PDZRN4: variants seen among roughly 807,000 people sequenced by gnomAD.
The protein encoded by PDZRN4 is PDZ domain containing ring finger 4, also known as PDZ domain-containing RING finger protein 4.
In PDZRN4, 70 loss-of-function variants were observed where a neutral mutation model predicts 99.0. The ratio of observed to expected loss-of-function variants is 0.71; its 90% CI spans 0.58 to 0.86. PDZRN4 has a LOEUF of 0.86. PDZRN4 is among the 40% of genes least tolerant of loss of function. The pLI, the probability that PDZRN4 is intolerant of heterozygous loss-of-function variation, is 0.00. For synonymous variants in PDZRN4, 551 were observed against 501.6 expected, an observed-to-expected ratio of 1.10 and a Z score of -1.32; for missense variants, 1,474 against 1,331.2, an observed-to-expected ratio of 1.11 and a Z score of -1.67.
intron 3 of PDZRN4, among the ~76,000 whole-genome samples, chr12:41,204,175 C>T (rs1950833838): frequency 6.6e-6 from 1 of 151,928 alleles, no homozygotes; most frequent in South Asian, 2.1e-4. Context: ...GTTATGTATC[C>T]TTTCTTTTAT....
At chr12:41,458,593 T>C (rs1297349010) in intron 3 of PDZRN4, among the ~76,000 whole-genome samples, 1 of 152,216 alleles carries the variant, frequency 6.6e-6, no homozygotes. Flanking sequence ...CACTGGTTTT[T>C]AGTATAGCCA....
At chr12:41,388,379 A>G (rs2121114076) in intron 3 of PDZRN4, among the ~76,000 whole-genome samples, 1 of 127,988 alleles carries the variant, frequency 7.8e-6, no homozygotes. Flanking sequence ...TGAGCTTAAA[A>G]TAAAAGATTA....
At chr12:41,498,107 A>T (rs4768355) in intron 3 of PDZRN4, among the ~76,000 whole-genome samples, 22,972 of 151,966 alleles carry the variant, frequency 0.15, 2,144 homozygotes, top group Non-Finnish European at 0.21. Context: ...ATTAATTAAC[A>T]GTTTACATTT....
At chr12:41,353,434 A>G (rs1951905307) in intron 3 of PDZRN4, among the ~76,000 whole-genome samples, 2 of 152,118 alleles carry the variant, frequency 1.3e-5, no homozygotes, top group South Asian at 2.1e-4. Flanking sequence ...GTCCAGATGC[A>G]TGTTGATCCA....
intron 3 of PDZRN4, among the ~76,000 whole-genome samples, chr12:41,400,529 T>C (rs1020773187): frequency 6.6e-6 from 1 of 152,170 alleles, no homozygotes; most frequent in African/African-American, 2.4e-5. Context: ...TTTTTTCTTC[T>C]CATATGAAAA....
chr12:41,356,498 A>G (rs1393064257), intron 3 of PDZRN4, among the ~76,000 whole-genome samples: 1 of 152,048 alleles, frequency 6.6e-6, no homozygotes, highest in Non-Finnish European at 1.5e-5. Context: ...ATTGACAAGA[A>G]GAATTCTATA....
chr12:41,246,217 A>G (rs1163803005), intron 3 of PDZRN4, among the ~76,000 whole-genome samples: 1 of 152,160 alleles, frequency 6.6e-6, no homozygotes, highest in Non-Finnish European at 1.5e-5. Flanking sequence ...ATTTTTTAAA[A>G]CTTTTGTTTT....
In PDZRN4 at chr12:41,542,514, C is replaced by T. The variant is rs533840987; in HGVS notation, c.1204-10142C>T. On this transcript the variant is annotated intron_variant, in intron 5 of 9. Transcript: ENST00000402685. ...CTCCACACATTTCATCTGGATAATACGCTTCATTCAGCATCTCTCTCCCAT... is the reference window on the plus strand; with the variant it reads ...CTCCACACATTTCATCTGGATAATATGCTTCATTCAGCATCTCTCTCCCAT... 2.0e-3 allele frequency among the ~76,000 whole-genome samples: 307 copies of T among 152,344 alleles called. 2 individuals carry two copies. The highest frequency in any genetic ancestry group is 0.01 in the Middle Eastern group (3 of 294).
intron 3 of PDZRN4, among the ~76,000 whole-genome samples, chr12:41,210,640 G>A (rs10879867): frequency 0.51 from 76,836 of 151,696 alleles, 20,477 homozygotes; most frequent in South Asian, 0.66. Context: ...ATGAAACCAT[G>A]GTGAAAAGAT....
At chr12:41,556,810 G>A (rs985839152) in intron 7 of PDZRN4, among the ~76,000 whole-genome samples, 1 of 152,150 alleles carries the variant, frequency 6.6e-6, no homozygotes, top group Non-Finnish European at 1.5e-5. Flanking sequence ...TCCTAAACCT[G>A]CCTTCACCTG....
At chr12:41,393,909 G>T (rs1349233964) in intron 3 of PDZRN4, among the ~76,000 whole-genome samples, 2 of 152,208 alleles carry the variant, frequency 1.3e-5, no homozygotes, top group Admixed American at 1.3e-4. Context: ...GGTACAGGTA[G>T]CGTCTCTGCA....
chr12:41,263,803 GTAT>G (rs988368457), intron 3 of PDZRN4, among the ~76,000 whole-genome samples: 18 of 152,100 alleles, frequency 1.2e-4, no homozygotes, highest in Non-Finnish European at 2.4e-4. Flanking sequence ...CAAGTTACTA[GTAT>G]AAACTATACA....
At chr12:41,401,044 T>G (rs1035812775) in intron 3 of PDZRN4, among the ~76,000 whole-genome samples, 1 of 152,156 alleles carries the variant, frequency 6.6e-6, no homozygotes, top group Non-Finnish European at 1.5e-5. Context: ...TACTTAAATG[T>G]TTACCTTTCA....
chr12:41,528,698 G>C (rs1938612033), intron 5 of PDZRN4, among the ~76,000 whole-genome samples: 1 of 152,158 alleles, frequency 6.6e-6, no homozygotes, highest in South Asian at 2.1e-4. Flanking sequence ...AGATTAAACT[G>C]ATTTTTCTTA....
chr12:41,309,555 A>G (rs1181689300), intron 3 of PDZRN4, among the ~76,000 whole-genome samples: 2 of 152,182 alleles, frequency 1.3e-5, no homozygotes, highest in African/African-American at 4.8e-5. Flanking sequence ...TTTTCAACAC[A>G]TGCTTTTTTG....
chr12:41,379,276 G>A (rs1213101839), intron 3 of PDZRN4, among the ~76,000 whole-genome samples: 1 of 144,684 alleles, frequency 6.9e-6, no homozygotes, highest in African/African-American at 2.5e-5. Flanking sequence ...GGTTGGTCTA[G>A]GTAAAGTTTC....
chr12:41,346,841 T>C (rs76915086), intron 3 of PDZRN4, among the ~76,000 whole-genome samples: 7,014 of 152,262 alleles, frequency 0.046, 502 homozygotes, highest in African/African-American at 0.16. Flanking sequence ...CTCACTAATA[T>C]ACATTTTGTC....
chr12:41,513,249 A>G (rs990796316), intron 5 of PDZRN4, among the ~76,000 whole-genome samples: 8 of 151,984 alleles, frequency 5.3e-5, no homozygotes, highest in Non-Finnish European at 7.4e-5. Context: ...TTCTTTGGAG[A>G]TATTATACTC....
chr12:41,492,761 A>G (rs1379152617), intron 3 of PDZRN4, among the ~76,000 whole-genome samples: 1 of 152,138 alleles, frequency 6.6e-6, no homozygotes, highest in Admixed American at 6.6e-5. Flanking sequence ...CACCTTTGAA[A>G]TGTCCAAGTC....
Sources: gnomAD v4.1 joint callset for allele counts (sites outside exome capture counted in the v4.1 genomes callset) on GRCh38, gnomAD v4.1.1 for gene constraint, MANE v1.5 for transcripts, NCBI Gene and HGNC (gene_info 2026-07-23, HGNC 2026-07-21) for gene names.